The following DNAH6 variants were observed in gnomAD, a reference collection of about 807,000 sequenced individuals.
DNAH6 encodes dynein axonemal heavy chain 6, also known as axonemal beta dynein heavy chain 6.
A neutral mutation model predicts 491.4 loss-of-function variants in DNAH6; 340 were observed. That is an observed-to-expected ratio of 0.69 (90% CI 0.63 to 0.76). The LOEUF (loss-of-function observed/expected upper bound fraction) is 0.76. DNAH6 is among the 30% of genes least tolerant of loss of function. The probability of loss-of-function intolerance (pLI) is 0.00; values close to 1 mark genes in which losing one functional copy is unlikely to be tolerated. For missense variants in DNAH6, 4,443 were observed against 4,972.2 expected, an observed-to-expected ratio of 0.89 and a Z score of 3.20; for synonymous variants, 1,603 against 1,686.1, an observed-to-expected ratio of 0.95 and a Z score of 1.21.
intron 60 of DNAH6, 81 bp from the exon 61 acceptor site, chr2:84,727,588 G>A (rs1475590952): frequency 1.2e-6 from 1 of 835,536 alleles, no homozygotes; most frequent in African/African-American, 1.7e-5. Flanking sequence ...CTCACTGAAT[G>A]CGAACAAGGG....
intron 70 of DNAH6, among the ~76,000 whole-genome samples, chr2:84,798,948 A>G (rs1169576274): frequency 6.6e-6 from 1 of 151,092 alleles, no homozygotes; most frequent in Admixed American, 6.6e-5. Flanking sequence ...ATAGGTTTGT[A>G]TGCCAGCAAG....
chr2:84,552,441 G>A (rs998217786), intron 9 of DNAH6, among the ~76,000 whole-genome samples: 4 of 152,188 alleles, frequency 2.6e-5, no homozygotes, highest in Admixed American at 6.5e-5. Context: ...TTTTAAGGAA[G>A]AGAAGAATAA....
Position 84,605,488 on chromosome 2 carries a change from A to G in DNAH6, c.3082-12A>G. On this transcript the variant is annotated splice_polypyrimidine_tract_variant and intron_variant, in intron 19 of 76. Coordinates refer to ENST00000389394, the MANE Select transcript of DNAH6 (RefSeq NM_001370.2). Reference sequence around the variant, plus strand: ...TGAATTTAGATATCCTAAGGCTTGAATTATTTCTAAGGTGGAGGACTCTTG... The same window carrying G: ...TGAATTTAGATATCCTAAGGCTTGAGTTATTTCTAAGGTGGAGGACTCTTG... 2 of 1,541,200 alleles carry G rather than the reference A, an allele frequency of 1.3e-6. No individual in the cohort carries two copies.
At chr2:84,631,734 C>G in intron 29 of DNAH6, among the ~76,000 whole-genome samples, 1 of 152,124 alleles carries the variant, frequency 6.6e-6, no homozygotes, top group East Asian at 1.9e-4. Context: ...CCCCCAAGAG[C>G]CTTCAGAATG....
chr2:84,633,764 G>A (rs1688615121), intron 29 of DNAH6, among the ~76,000 whole-genome samples: 1 of 151,376 alleles, frequency 6.6e-6, no homozygotes, highest in Admixed American at 6.6e-5. Context: ...AGCAGGTACA[G>A]GTATAAGTGT....
the DNAH6 span, among the ~76,000 whole-genome samples, chr2:84,465,816 G>A: frequency 6.6e-6 from 1 of 152,118 alleles, no homozygotes. Context: ...AAATTGCAAA[G>A]ACAAACTTAA....
chr2:84,778,116 G>T, intron 64 of DNAH6: 1 of 786,684 alleles, frequency 1.3e-6, no homozygotes, highest in Non-Finnish European at 2.3e-6. Flanking sequence ...TTGTGGCATG[G>T]CACAGGCCAT....
the DNAH6 span, among the ~76,000 whole-genome samples, chr2:84,499,969 A>G: frequency 6.6e-6 from 1 of 151,652 alleles, no homozygotes. Flanking sequence ...GTTTGCAACC[A>G]TTCTGTGAGT....
At position 84,797,592 on chromosome 2, in the gene DNAH6, A is replaced by C; in HGVS notation, c.11415A>C (p.Glu3805Asp). 6.4e-7 allele frequency: 1 copy of C among 1,551,764 alleles called. No individual in the cohort carries two copies. The highest frequency in any genetic ancestry group is 8.7e-7 in the Non-Finnish European group (1 of 1,146,894). ...TACAAGAGTTTAAGGACTACATTGA[A>C]AATCTGCCTTTGATCGATGACCCAG... ...DSLQEFKDYIENLPLIDDPEI... is the reference protein window; with the variant it reads ...DSLQEFKDYIDNLPLIDDPEI... Residue 3805 changes from glutamate to aspartate, a missense_variant, in exon 70 of 77, where the codon GAA (glutamate) becomes GAC (aspartate). Transcript: ENST00000389394.
intron 70 of DNAH6, among the ~76,000 whole-genome samples, chr2:84,799,162 G>T (rs1171675987): frequency 3.3e-5 from 5 of 151,838 alleles, no homozygotes; most frequent in Non-Finnish European, 5.9e-5. Context: ...TAATTTTTGT[G>T]TTTTTAGTAG....
In DNAH6 at chr2:84,705,608, A is replaced by G; in HGVS notation, c.8588A>G (p.Asn2863Ser). 1 of 1,551,680 alleles carries G rather than the reference A, an allele frequency of 6.4e-7. No homozygotes were observed. The highest frequency in any genetic ancestry group is 1.7e-4 in the Middle Eastern group (1 of 5,992). The change falls in exon 52 of 77, where the codon AAT becomes AGT. Residue 2863 changes from asparagine to serine, a missense_variant. Asn to Ser is a conservative substitution (Grantham distance 46). Coordinates refer to ENST00000389394, the MANE Select transcript of DNAH6 (RefSeq NM_001370.2). ...ILAKLQKYIN[N>S]PDFVPEKVEK... ...GCAAAGCTTCAAAAGTATATTAATA[A>G]TCCTGATTTTGTGCCTGAAAAAGTG...
intron 29 of DNAH6, among the ~76,000 whole-genome samples, chr2:84,627,871 T>G (rs562771596): frequency 6.6e-6 from 1 of 152,332 alleles, no homozygotes; most frequent in East Asian, 1.9e-4. Flanking sequence ...ATAAACACAC[T>G]TATTTTATAT....
At chr2:84,668,092 G>A (rs999844343) in intron 37 of DNAH6, among the ~76,000 whole-genome samples, 11 of 152,188 alleles carry the variant, frequency 7.2e-5, no homozygotes, top group African/African-American at 2.7e-4. Flanking sequence ...GCCTGTCGTG[G>A]GGCGGGGGGA....
the DNAH6 span, among the ~76,000 whole-genome samples, chr2:84,507,318 CTT>C: frequency 6.6e-6 from 1 of 152,172 alleles, no homozygotes; most frequent in African/African-American, 2.4e-5. Flanking sequence ...ATTTTATTCT[CTT>C]TGAAGCAATT....
At chr2:84,526,596 A>G (rs1313202718) in intron 3 of DNAH6, among the ~76,000 whole-genome samples, 1 of 152,180 alleles carries the variant, frequency 6.6e-6, no homozygotes, top group African/African-American at 2.4e-5. Flanking sequence ...GAGTTGCACT[A>G]AGCTGAGAAG....
intron 35 of DNAH6, among the ~76,000 whole-genome samples, 168 bp downstream of exon 35, chr2:84,654,950 T>A (rs945791481): frequency 2.0e-5 from 3 of 151,846 alleles, no homozygotes; most frequent in African/African-American, 7.3e-5. Flanking sequence ...AATGTTTATA[T>A]ACTCCCCAAA....
chr2:84,537,485 T>C (rs984273712), intron 4 of DNAH6, among the ~76,000 whole-genome samples: 2 of 152,026 alleles, frequency 1.3e-5, no homozygotes, highest in Non-Finnish European at 1.5e-5. Context: ...AGGGAGAAGA[T>C]AGCTCCCAGG....
chr2:84,644,786 G>T (rs1384964982), intron 33 of DNAH6, among the ~76,000 whole-genome samples: 1 of 152,064 alleles, frequency 6.6e-6, no homozygotes, highest in East Asian at 1.9e-4. Context: ...CCTTTTTATG[G>T]CTGTGTATTA....
chr2:84,680,605 AC>A (rs754426288), intron 41 of DNAH6, among the ~76,000 whole-genome samples: 13 of 151,906 alleles, frequency 8.6e-5, no homozygotes, highest in Admixed American at 1.3e-4. Flanking sequence ...GGGTGTTCAG[AC>A]TAGTGTGGCG....
Sources: allele counts gnomAD v4.1 joint callset (sites outside exome capture counted in the v4.1 genomes callset), GRCh38; gene constraint gnomAD v4.1.1; transcripts MANE v1.5; gene names NCBI Gene and HGNC (gene_info 2026-07-23, HGNC 2026-07-21).